Variants in SRGAP3 observed in about 807,000 individuals in gnomAD.
SRGAP3 encodes SLIT-ROBO Rho GTPase-activating protein 3.
SRGAP3 carries 39 observed loss-of-function variants against 121.1 expected under a neutral mutation model. The observed-to-expected ratio is 0.32, with a 90% CI of 0.25 to 0.42. The LOEUF (loss-of-function observed/expected upper bound fraction) is 0.42, where lower values mean the gene tolerates loss of function less well. Among genes scored for constraint, SRGAP3 ranks in the 10% least tolerant of loss-of-function variants. SRGAP3 has a pLI of 1.00. For missense variants in SRGAP3, 1,213 were observed against 1,470.6 expected (o/e 0.82, Z 2.86); for synonymous variants, 601 against 570.0 (o/e 1.05, Z -0.77).
At chr3:9,033,085 C>A (rs527922967) in intron 11 of SRGAP3, among the ~76,000 whole-genome samples, 4 of 152,312 alleles carry the variant, frequency 2.6e-5, no homozygotes, top group East Asian at 3.9e-4. Flanking sequence ...GAGGGGGAAT[C>A]AGGGGAGAGA....
At chr3:9,187,717 T>C (rs1293239460) in intron 1 of SRGAP3, among the ~76,000 whole-genome samples, 5 of 152,150 alleles carry the variant, frequency 3.3e-5, no homozygotes, top group Non-Finnish European at 7.4e-5. Flanking sequence ...TGCCTCCTTT[T>C]TCCCTCACAA....
rs2125193303 is a variant in SRGAP3, at chr3:9,218,137, G to C, written c.67+30748C>G. ...ATTTTAAGAGACCCGTTAATAATTT[G>C]GAAGGTTTATTAGCAGACTGCAGAT... On this transcript the variant is annotated intron_variant, in intron 1 of 21. Transcript: ENST00000383836. This position sits in a 1 kb window ranked among gnomAD's most constrained non-coding sequence, Gnocchi z 5.3. The C allele has an allele frequency of 3.9e-5, 6 of 152,338 alleles. 2 individuals are homozygous for C. The highest frequency in any genetic ancestry group is 3.9e-4 in the Admixed American group (6 of 15,298). 9.4% of individuals were successfully genotyped at this position (152,338 alleles called of 1,614,324 possible). A position where few individuals can be genotyped will look rare whatever the true frequency, so the allele number is the denominator to read the frequency against.
At chr3:9,043,299 C>T (rs1229598031) in intron 10 of SRGAP3, among the ~76,000 whole-genome samples, 1 of 152,100 alleles carries the variant, frequency 6.6e-6, no homozygotes, top group Admixed American at 6.6e-5. Context: ...GATTACAGGG[C>T]CACCACCACA....
At chr3:9,248,154 C>A (rs1311847256) in intron 1 of SRGAP3, among the ~76,000 whole-genome samples, 1 of 152,252 alleles carries the variant, frequency 6.6e-6, no homozygotes, top group Non-Finnish European at 1.5e-5. Flanking sequence ...CAGCGCTGAC[C>A]AGCCCAAACG....
chr3:9,163,078 A>G (rs1950651863), intron 1 of SRGAP3, among the ~76,000 whole-genome samples: 1 of 152,240 alleles, frequency 6.6e-6, no homozygotes, highest in Non-Finnish European at 1.5e-5. Context: ...GTGGGCTGAT[A>G]CAGGTAGAAC....
chr3:9,269,230 A>G (rs1300092960), intron 3 of SRGAP3, among the ~76,000 whole-genome samples: 3 of 152,214 alleles, frequency 2.0e-5, no homozygotes, highest in Non-Finnish European at 4.4e-5. Flanking sequence ...AACAAATGTC[A>G]TCTGAAAACA....
chr3:9,139,726 A>AC (rs1949783847), intron 1 of SRGAP3, among the ~76,000 whole-genome samples: 1 of 152,218 alleles, frequency 6.6e-6, no homozygotes, highest in Non-Finnish European at 1.5e-5. Flanking sequence ...GCATTGCGCC[A>AC]CTCTGAAATC....
chr3:9,278,988 C>A (rs1426155127), intron 3 of SRGAP3, among the ~76,000 whole-genome samples: 1 of 152,124 alleles, frequency 6.6e-6, no homozygotes, highest in Non-Finnish European at 1.5e-5. Flanking sequence ...ACATCCAATA[C>A]CCTGGCCGGG....
At chr3:9,121,717 A>G (rs1459297060) in intron 2 of SRGAP3, among the ~76,000 whole-genome samples, 1 of 152,180 alleles carries the variant, frequency 6.6e-6, no homozygotes, top group Non-Finnish European at 1.5e-5. Flanking sequence ...CCCCATATCC[A>G]CAATCCCTGC....
Position 9,322,452 on chromosome 3 carries a change from C to T in SRGAP3, n.442+3558G>A, listed in dbSNP as rs530215047. ...ATACAGGGGTCCCCAACCCCTGGGC[C>T]GTGGACTGGTGCCAGTCCCCGTGGC... On this transcript the variant is annotated intron_variant and non_coding_transcript_variant, in intron 3 of 3. Transcript: ENST00000490889. 5.1e-4 allele frequency among the ~76,000 whole-genome samples: 77 copies of T among 151,828 alleles called. 1 individual carries two copies. In the South Asian group the frequency reaches 0.011, roughly 21 times the overall value.
chr3:9,044,452 T>C (rs1265116620), intron 10 of SRGAP3, among the ~76,000 whole-genome samples: 1 of 152,198 alleles, frequency 6.6e-6, no homozygotes, highest in Non-Finnish European at 1.5e-5. Context: ...AGCAAAGAAA[T>C]TTGCTCAGCG....
At chr3:9,301,573 G>A (rs2125274810) in intron 3 of SRGAP3, among the ~76,000 whole-genome samples, 1 of 152,364 alleles carries the variant, frequency 6.6e-6, no homozygotes, top group Non-Finnish European at 1.5e-5. Context: ...TAAGGGGTGG[G>A]TCCTGTAGAA....
At position 8,984,863 on chromosome 3, in the gene SRGAP3, GTTTT is replaced by G. The variant is rs951301655; in HGVS notation, c.*652_*655del. On this transcript the variant is annotated 3_prime_UTR_variant, in exon 22 of 22. Transcript: ENST00000383836. ...CGACTTCTGGAGACAGTGGGAGTCT[GTTTT>G]TGTTTGTGTTTTTCTGCAGGTTAGT... 6 of 229,554 alleles carry G rather than the reference GTTTT, an allele frequency of 2.6e-5. No individual in the cohort carries two copies. The highest frequency in any genetic ancestry group is 5.2e-5 in the Non-Finnish European group (6 of 115,698). 14.2% of individuals were successfully genotyped at this position (229,554 alleles called of 1,614,324 possible). A position where few individuals can be genotyped will look rare whatever the true frequency, so the allele number is the denominator to read the frequency against.
At chr3:9,064,861 T>TAATAAATAAATA (rs58800068) in intron 4 of SRGAP3, among the ~76,000 whole-genome samples, 1,553 of 149,836 alleles carry the variant, frequency 0.01, 27 homozygotes, top group African/African-American at 0.036. Flanking sequence ...TAAAAAATAA[T>TAATAAATAAATA]AATAAATAAA....
intron 1 of SRGAP3, among the ~76,000 whole-genome samples, chr3:9,205,554 A>C (rs1952236512): frequency 6.6e-6 from 1 of 152,214 alleles, no homozygotes; most frequent in African/African-American, 2.4e-5. Context: ...AGACTCAATA[A>C]ATGAGTCAGC....
At chr3:9,307,498 T>C (rs1955178450) in intron 3 of SRGAP3, among the ~76,000 whole-genome samples, 1 of 152,222 alleles carries the variant, frequency 6.6e-6, no homozygotes, top group Admixed American at 6.5e-5. Flanking sequence ...GACCCAGCTA[T>C]ACAGGTGAAT....
intron 4 of SRGAP3, among the ~76,000 whole-genome samples, chr3:9,065,902 G>A (rs1486060090): frequency 2.0e-5 from 3 of 152,102 alleles, no homozygotes; most frequent in Non-Finnish European, 4.4e-5. Flanking sequence ...TAATCATATT[G>A]GAAATCTGGC....
At chr3:9,036,561 CACAAA>C (rs67455921) in intron 11 of SRGAP3, 25,750 of 150,988 alleles carry the variant, frequency 0.17, 2,685 homozygotes, top group African/African-American at 0.29. Context: ...TTATTTAAAA[CACAAA>C]ACAAAACAAA....
At chr3:9,121,160 C>T (rs1274268195) in intron 2 of SRGAP3, among the ~76,000 whole-genome samples, 2 of 152,168 alleles carry the variant, frequency 1.3e-5, no homozygotes, top group Admixed American at 6.5e-5. Flanking sequence ...TCCTTCCTTC[C>T]TGTCTTCTTC....
Sources: gnomAD v4.1 joint callset for allele counts (sites outside exome capture counted in the v4.1 genomes callset) on GRCh38, gnomAD v4.1.1 for gene constraint, Gnocchi (gnomAD v3.1) non-coding constraint, MANE v1.5 for transcripts, NCBI Gene and HGNC (gene_info 2026-07-23, HGNC 2026-07-21) for gene names.